The following PAM variants were observed in gnomAD, a reference collection of about 807,000 sequenced individuals.
PAM encodes peptidylglycine alpha-amidating monooxygenase.
A neutral mutation model predicts 122.1 loss-of-function variants in PAM; 72 were observed. The observed-to-expected ratio is 0.59, with a 90% CI of 0.49 to 0.72. The LOEUF (loss-of-function observed/expected upper bound fraction) is 0.72, where lower values mean the gene tolerates loss of function less well. PAM is among the 30% of genes least tolerant of loss of function. PAM has a pLI of 0.00. For missense variants in PAM, 1,106 were observed against 1,183.7 expected (o/e 0.93, Z 0.96); for synonymous variants, 389 against 404.4 (o/e 0.96, Z 0.46).
chr5:102,987,346 C>T (rs1772210190), intron 15 of PAM, among the ~76,000 whole-genome samples: 2 of 152,018 alleles, frequency 1.3e-5, no homozygotes, highest in South Asian at 4.2e-4. Context: ...AAGTTGATCT[C>T]ATGGAGGTAG....
intron 16 of PAM, among the ~76,000 whole-genome samples, chr5:102,996,882 A>G (rs902734008): frequency 6.6e-6 from 1 of 152,180 alleles, no homozygotes; most frequent in Non-Finnish European, 1.5e-5. Flanking sequence ...TGAGCTGTAT[A>G]TATAAGTAGA....
intron 15 of PAM, 91 bp from the exon 16 acceptor site, chr5:102,990,181 T>A (rs1773603532): frequency 1.1e-6 from 1 of 912,420 alleles, no homozygotes. Flanking sequence ...TCTAGTGATG[T>A]TATTGCATGA....
At chr5:102,924,107 C>T (rs13158371) in intron 5 of PAM, among the ~76,000 whole-genome samples, 9,049 of 152,058 alleles carry the variant, frequency 0.06, 423 homozygotes, top group Non-Finnish European at 0.085. Flanking sequence ...TATTCATAAA[C>T]TCAAAATGTC....
rs1773642199 is a variant in PAM, at chr5:102,990,297, T to A, written c.1509T>A (p.Asp503Glu). 3 of 1,570,898 alleles carry A rather than the reference T, an allele frequency of 1.9e-6. No individual in the cohort carries two copies. Among genetic ancestry groups the A allele is most frequent in the African/African-American group, 1.3e-5 (1 of 74,108 alleles). The change falls in exon 16 of 26, where the codon GAT (aspartate) becomes GAA (glutamate). Residue 503 changes from aspartate to glutamate, a missense_variant. By Grantham distance (45) the Asp-to-Glu change is conservative. Coordinates refer to ENST00000438793, the MANE Select transcript of PAM (RefSeq NM_001177306.2). ...ATTTCCACATGGAAGAGGCACTGGA[T>A]TGGCCTGGAGTATACTTGTTACCAG... ...TGDFHMEEAL[D>E]WPGVYLLPGQ...
intron 1 of PAM, among the ~76,000 whole-genome samples, chr5:102,814,324 G>A (rs1009377462): frequency 3.3e-5 from 5 of 152,136 alleles, no homozygotes; most frequent in African/African-American, 1.2e-4. Flanking sequence ...GAGTACAAGA[G>A]TCAGGTGGCA....
At position 102,755,348 on chromosome 5, in the gene PAM, G is replaced by A. The variant is rs1749780256; in HGVS notation, c.-374G>A. ...CCCGGACAGAGCCCGTGGTCGCGCA[G>A]GTTGGTGTTGTTGCCGCTGCTGCCG... On this transcript the variant is annotated splice_region_variant and 5_prime_UTR_variant, in exon 1 of 26. Transcript: ENST00000438793. 6.6e-6 allele frequency: 1 copy of A among 152,384 alleles called. No homozygotes were observed. Among genetic ancestry groups the A allele is most frequent in the Admixed American group, 6.5e-5 (1 of 15,292 alleles). The allele number at this position is 152,384 out of a possible 1,614,324, so 9.4% of individuals were successfully genotyped here.
intron 1 of PAM, among the ~76,000 whole-genome samples, chr5:102,774,646 C>T (rs1322685869): frequency 6.6e-6 from 1 of 151,992 alleles, no homozygotes; most frequent in Non-Finnish European, 1.5e-5. Context: ...GCTTATTGAA[C>T]ATCTTAATTT....
At chr5:102,857,207 C>G (rs1782869756) in intron 1 of PAM, among the ~76,000 whole-genome samples, 1 of 152,142 alleles carries the variant, frequency 6.6e-6, no homozygotes, top group South Asian at 2.1e-4. Flanking sequence ...TACTCCTAGC[C>G]TCAGAGACTG....
chr5:102,903,948 AC>A (rs1466107036), intron 4 of PAM, among the ~76,000 whole-genome samples: 1 of 151,594 alleles, frequency 6.6e-6, no homozygotes, highest in Non-Finnish European at 1.5e-5. Context: ...GGAAAAATAA[AC>A]CTCAAACCAT....
chr5:102,950,414 TGG>T lies in PAM; in HGVS notation c.802-301_802-300del, dbSNP rs143308359. 2.8e-3 allele frequency among the ~76,000 whole-genome samples: 419 copies of T among 149,092 alleles called. 1 individual carries two copies. Among genetic ancestry groups the T allele is most frequent in the African/African-American group, 9.6e-3 (375 of 38,978 alleles). ...TCCAGTGATTATTTGTGTATGTGGG[TGG>T]GTGTGTGTGTGTGTGTGTGTGTGTC... On this transcript the variant is annotated intron_variant, in intron 11 of 25. Coordinates refer to ENST00000438793, the MANE Select transcript of PAM (RefSeq NM_001177306.2).
At chr5:103,011,885 A>T (rs912062722) in intron 21 of PAM, among the ~76,000 whole-genome samples, 15 of 152,348 alleles carry the variant, frequency 9.8e-5, no homozygotes, top group South Asian at 8.3e-4. Context: ...CCAACAGTAT[A>T]CAAGGGTTCC....
chr5:102,836,443 C>T (rs1158642464), intron 1 of PAM, among the ~76,000 whole-genome samples: 2 of 152,060 alleles, frequency 1.3e-5, no homozygotes, highest in Non-Finnish European at 2.9e-5. Context: ...GTTGCCCAGG[C>T]TAATCTTGAA....
chr5:102,935,542 A>G (rs1437932587), intron 7 of PAM, among the ~76,000 whole-genome samples: 3 of 152,160 alleles, frequency 2.0e-5, no homozygotes, highest in African/African-American at 7.2e-5. Flanking sequence ...TGCAGGGCAG[A>G]TATCTAGAAA....
intron 1 of PAM, among the ~76,000 whole-genome samples, chr5:102,792,371 G>C (rs1197854931): frequency 6.6e-6 from 1 of 152,156 alleles, no homozygotes; most frequent in Non-Finnish European, 1.5e-5. Context: ...AGACTATGGA[G>C]GTTACTTTCA....
At chr5:102,763,702 G>A (rs1753068066) in intron 1 of PAM, among the ~76,000 whole-genome samples, 1 of 152,150 alleles carries the variant, frequency 6.6e-6, no homozygotes, top group Non-Finnish European at 1.5e-5. Context: ...TTTGTGCAGA[G>A]GCCCTTTACA....
chr5:102,870,903 T>C (rs1787210445), intron 3 of PAM, among the ~76,000 whole-genome samples: 1 of 152,202 alleles, frequency 6.6e-6, no homozygotes, highest in South Asian at 2.1e-4. Flanking sequence ...CACTGGACTT[T>C]TGCTGTCACC....
At chr5:102,850,404 C>T (rs1190337154) in intron 1 of PAM, among the ~76,000 whole-genome samples, 1 of 152,148 alleles carries the variant, frequency 6.6e-6, no homozygotes, top group African/African-American at 2.4e-5. Context: ...TAAATTTGCT[C>T]CTTAGAGTTA....
intron 8 of PAM, 128 bp downstream of exon 8, chr5:102,947,013 G>T: frequency 1.4e-6 from 1 of 702,868 alleles, no homozygotes; most frequent in Non-Finnish European, 2.6e-6. Flanking sequence ...CAACAAATAT[G>T]TATTGTCTCA....
intron 14 of PAM, among the ~76,000 whole-genome samples, chr5:102,969,813 G>T (rs763532713): frequency 3.9e-5 from 6 of 152,150 alleles, no homozygotes; most frequent in Non-Finnish European, 1.5e-5. Flanking sequence ...AGAGCTCCAG[G>T]CTTGGTAGTC....
Sources: gnomAD v4.1 joint callset for allele counts (sites outside exome capture counted in the v4.1 genomes callset) on GRCh38, gnomAD v4.1.1 for gene constraint, MANE v1.5 for transcripts, NCBI Gene and HGNC (gene_info 2026-07-23, HGNC 2026-07-21) for gene names.